The following ITGA8 variants were observed in gnomAD, a reference collection of about 807,000 sequenced individuals.
ITGA8 encodes the protein integrin alpha-8.
A neutral mutation model predicts 142.3 loss-of-function variants in ITGA8; 91 were observed. That is an observed-to-expected ratio of 0.64 (90% CI 0.54 to 0.76). The LOEUF is 0.76. Ranked by LOEUF, ITGA8 falls within the 30% of genes least tolerant of loss-of-function variation. The pLI, the probability that ITGA8 is intolerant of heterozygous loss-of-function variation, is 0.00. For missense variants in ITGA8, 1,406 were observed against 1,327.7 expected (o/e 1.06, Z -0.92); for synonymous variants, 505 against 485.2 (o/e 1.04, Z -0.54).
At chr10:15,609,378 G>T (rs1588672985) in intron 15 of ITGA8, among the ~76,000 whole-genome samples, 1 of 152,066 alleles carries the variant, frequency 6.6e-6, no homozygotes, top group Non-Finnish European at 1.5e-5. Flanking sequence ...GAATTCAAAG[G>T]GAGTAAATAA....
chr10:15,643,983 T>TTTTTC, intron 13 of ITGA8, 47 bp downstream of exon 13: 1 of 1,539,232 alleles, frequency 6.5e-7, no homozygotes, highest in Non-Finnish European at 8.8e-7. Context: ...AAATGGACTC[T>TTTTTC]ATTTCAGGAC....
At chr10:15,533,602 C>A (rs1383960860) in intron 27 of ITGA8, among the ~76,000 whole-genome samples, 1 of 152,084 alleles carries the variant, frequency 6.6e-6, no homozygotes, top group East Asian at 1.9e-4. Flanking sequence ...AAGAAGTTTT[C>A]TTTTATCTCC....
chr10:15,666,516 C>T, intron 8 of ITGA8, among the ~76,000 whole-genome samples: 1 of 152,164 alleles, frequency 6.6e-6, no homozygotes, highest in Non-Finnish European at 1.5e-5. Flanking sequence ...TTATTTCCTT[C>T]TCCTGCCTGA....
chr10:15,646,862 G>A lies in ITGA8; in HGVS notation c.1191C>T (p.Asn397=). Reference sequence around the variant, plus strand: ...TTAAATTACCATTGTATCCATCTTGGTTCAGGTCTCCTAAGTGTGCCATAG... The same window carrying A: ...TTAAATTACCATTGTATCCATCTTGATTCAGGTCTCCTAAGTGTGCCATAG... ...GSAMAHLGDL[N]QDGYNDIAIG... is the part of the protein sequence containing the mutation. Residue 397 remains asparagine, a synonymous_variant, in exon 12 of 30, where the codon AAC becomes AAT. Coordinates refer to ENST00000378076, the MANE Select transcript of ITGA8 (RefSeq NM_003638.3). 1 of 1,613,768 alleles carries A rather than the reference G, an allele frequency of 6.2e-7. No homozygotes were observed. Among genetic ancestry groups the A allele is most frequent in the Non-Finnish European group, 8.5e-7 (1 of 1,179,900 alleles).
At chr10:15,689,935 C>T (rs899451969) in intron 2 of ITGA8, among the ~76,000 whole-genome samples, 1 of 152,180 alleles carries the variant, frequency 6.6e-6, no homozygotes, top group African/African-American at 2.4e-5. Context: ...CCAGAACCAA[C>T]TCATACAATG....
At chr10:15,608,140 G>T in intron 16 of ITGA8, 95 bp downstream of exon 16, 1 of 864,000 alleles carries the variant, frequency 1.2e-6, no homozygotes, top group South Asian at 1.5e-5. Flanking sequence ...TATTCCTCAA[G>T]GGTTCTTTCA....
At chr10:15,616,876 G>A (rs1833402661) in intron 13 of ITGA8, among the ~76,000 whole-genome samples, 1 of 152,128 alleles carries the variant, frequency 6.6e-6, no homozygotes, top group South Asian at 2.1e-4. Context: ...AGGAAAAGGG[G>A]AAAGTCAGCT....
chr10:15,681,695 C>T (rs1834740776), intron 4 of ITGA8, among the ~76,000 whole-genome samples: 1 of 152,108 alleles, frequency 6.6e-6, no homozygotes, highest in Non-Finnish European at 1.5e-5. Flanking sequence ...GGAAGAATAA[C>T]CTACATTATC....
At chr10:15,565,369 T>C (rs551281915) in intron 25 of ITGA8, among the ~76,000 whole-genome samples, 17 of 152,036 alleles carry the variant, frequency 1.1e-4, no homozygotes, top group African/African-American at 3.9e-4. Context: ...TTTTGTTTTG[T>C]TTTGTTTTGT....
chr10:15,560,631 A>G (rs4750679), intron 25 of ITGA8, among the ~76,000 whole-genome samples: 59,820 of 152,034 alleles, frequency 0.39, 12,433 homozygotes, highest in African/African-American at 0.52. Context: ...ACTACTGGAC[A>G]GGTTTTAAAA....
chr10:15,610,881 G>A (rs557995463), intron 15 of ITGA8, among the ~76,000 whole-genome samples: 1 of 152,246 alleles, frequency 6.6e-6, no homozygotes, highest in Non-Finnish European at 1.5e-5. Context: ...TTTCTAAAAT[G>A]AAGTATTTCG....
At chr10:15,563,222 T>C (rs1834015696) in intron 25 of ITGA8, among the ~76,000 whole-genome samples, 1 of 152,200 alleles carries the variant, frequency 6.6e-6, no homozygotes, top group South Asian at 2.1e-4. Flanking sequence ...AAACCTCTTT[T>C]CTTTGTGAAT....
intron 27 of ITGA8, among the ~76,000 whole-genome samples, chr10:15,541,702 G>A (rs1833573210): frequency 6.6e-6 from 1 of 152,110 alleles, no homozygotes; most frequent in South Asian, 2.1e-4. Context: ...CATTCCTCCT[G>A]CTCTTGAGGA....
In ITGA8 at chr10:15,531,126, G is replaced by T; in HGVS notation, c.2906C>A (p.Ala969Glu). Reference protein sequence around the residue: ...LQRKNDPYALASLVSFEVKKM... With the variant: ...LQRKNDPYALESLVSFEVKKM... ...CTTAACTTCAAAGGACACCAGGGATGCAAGAGCATAGGGATCATTTTTTCT... is the reference window on the plus strand; with the variant it reads ...CTTAACTTCAAAGGACACCAGGGATTCAAGAGCATAGGGATCATTTTTTCT... The change falls in exon 28 of 30, where the codon GCA (alanine) becomes GAA (glutamate). Residue 969 changes from alanine (A) to glutamate (E), a missense_variant. Ala to Glu is a moderately radical substitution (Grantham distance 107). Transcript: ENST00000378076. 6.4e-7 allele frequency: 1 copy of T among 1,557,444 alleles called. No individual in the cohort carries two copies. Among genetic ancestry groups the T allele is most frequent in the Non-Finnish European group, 8.7e-7 (1 of 1,155,954 alleles).
chr10:15,718,071 T>G (rs1193504422), intron 2 of ITGA8, among the ~76,000 whole-genome samples: 2 of 152,254 alleles, frequency 1.3e-5, no homozygotes, highest in African/African-American at 4.8e-5. Context: ...CATTCGGTGT[T>G]AATGTTTTTG....
In ITGA8 at chr10:15,678,803, T is replaced by C; in HGVS notation, c.569-20A>G. The C allele has an allele frequency of 6.6e-7, 1 of 1,504,726 alleles. No individual in the cohort carries two copies. Among genetic ancestry groups the C allele is most frequent in the Middle Eastern group, 1.7e-4 (1 of 5,840 alleles). 93.2% of individuals were successfully genotyped at this position (1,504,726 alleles called of 1,614,324 possible). A position where few individuals can be genotyped will look rare whatever the true frequency, so the allele number is the denominator to read the frequency against. On this transcript the variant is annotated intron_variant, in intron 4 of 29. Transcript: ENST00000378076. Reference sequence around the variant, plus strand: ...CATTGCCTAGAACGATCAAAATACATAAATGTTATAACGTTATCATTCCTG... The same window carrying C: ...CATTGCCTAGAACGATCAAAATACACAAATGTTATAACGTTATCATTCCTG...
chr10:15,584,707 A>G (rs527393162), intron 23 of ITGA8, among the ~76,000 whole-genome samples: 75 of 152,290 alleles, frequency 4.9e-4, no homozygotes, highest in African/African-American at 1.8e-3. Flanking sequence ...TGCAAAAAGG[A>G]AAATAATAAA....
intron 25 of ITGA8, among the ~76,000 whole-genome samples, chr10:15,566,812 A>G (rs1250774581): frequency 7.6e-6 from 1 of 131,898 alleles, no homozygotes; most frequent in African/African-American, 2.8e-5. Flanking sequence ...ACCTTGTCTT[A>G]AAAAAAGAAA....
intron 16 of ITGA8, 51 bp downstream of exon 16, chr10:15,608,184 G>A (rs1564372205): frequency 7.8e-7 from 1 of 1,284,200 alleles, no homozygotes; most frequent in East Asian, 2.3e-5. Flanking sequence ...AATGGTTACT[G>A]TTCAACTTTC....
Sources: gnomAD v4.1 joint callset for allele counts (sites outside exome capture counted in the v4.1 genomes callset) on GRCh38, gnomAD v4.1.1 for gene constraint, MANE v1.5 for transcripts, NCBI Gene and HGNC (gene_info 2026-07-23, HGNC 2026-07-21) for gene names.